The following NDUFS4 variants were observed in gnomAD, a reference collection of about 807,000 sequenced individuals.
NDUFS4 encodes NADH:ubiquinone oxidoreductase subunit S4.
In NDUFS4, 28 loss-of-function variants were observed where a neutral mutation model predicts 24.3. The ratio of observed to expected loss-of-function variants is 1.15; its 90% CI spans 0.85 to 1.58. NDUFS4 has a LOEUF of 1.58. Ranked by LOEUF, NDUFS4 falls within the 40% of genes most tolerant of loss-of-function variation. The pLI is 0.00. For synonymous variants in NDUFS4, 93 were observed against 69.7 expected (o/e 1.34, Z -1.67); for missense variants, 223 against 207.9 (o/e 1.07, Z -0.45).
At chr5:53,628,408 G>A (rs1751295461) in intron 2 of NDUFS4, among the ~76,000 whole-genome samples, 1 of 152,156 alleles carries the variant, frequency 6.6e-6, no homozygotes, top group Non-Finnish European at 1.5e-5. Context: ...AGTGAGTTAA[G>A]GAGGAGTCCC....
intron 2 of NDUFS4, among the ~76,000 whole-genome samples, chr5:53,632,756 A>G (rs1377998502): frequency 6.6e-6 from 1 of 152,206 alleles, no homozygotes; most frequent in Non-Finnish European, 1.5e-5. Context: ...AATACCTGAA[A>G]ACAGTTGCTT....
intron 2 of NDUFS4, among the ~76,000 whole-genome samples, chr5:53,614,535 C>G (rs1750789199): frequency 6.6e-6 from 1 of 151,928 alleles, no homozygotes; most frequent in African/African-American, 2.4e-5. Flanking sequence ...AATACTTGAA[C>G]AATACTGGAG....
intron 1 of NDUFS4, among the ~76,000 whole-genome samples, chr5:53,571,180 A>ACTCTGTACCCATTAGCAGTCGCTTCTCC (rs1749199046): frequency 6.6e-6 from 1 of 151,900 alleles, no homozygotes; most frequent in African/African-American, 2.4e-5. Context: ...CATCACTCAA[A>ACTCTGTACCCATTAGCAGTCGCTTCTCC]CTCTGTACCC....
At chr5:53,590,664 A>G (rs1749920893) in intron 1 of NDUFS4, among the ~76,000 whole-genome samples, 1 of 152,212 alleles carries the variant, frequency 6.6e-6, no homozygotes, top group South Asian at 2.1e-4. Context: ...CTAGGCAGTT[A>G]TAAATCTTCT....
At position 53,597,961 on chromosome 5, in the gene NDUFS4, A is replaced by T. The variant is rs116585999; in HGVS notation, c.99-5491A>T. Among the ~76,000 whole-genome samples, 813 of 152,350 alleles carry T rather than the reference A, an allele frequency of 5.3e-3. 6 individuals carry two copies. The highest frequency in any genetic ancestry group is 0.018 in the African/African-American group (745 of 41,578). On this transcript the variant is annotated intron_variant, in intron 1 of 4. Transcript: ENST00000296684. ...GGCAAAAGATCTAAGCAGATAACTC[A>T]CCAAAGAAGATATACAGATGACTAA... is the stretch of plus-strand genomic sequence containing the variant.
chr5:53,622,421 G>C (rs762982487), intron 2 of NDUFS4, among the ~76,000 whole-genome samples: 1 of 152,048 alleles, frequency 6.6e-6, no homozygotes, highest in Non-Finnish European at 1.5e-5. Context: ...GCTTGTGGAA[G>C]GCCACCTCCT....
At chr5:53,630,497 C>A (rs575028336) in intron 2 of NDUFS4, among the ~76,000 whole-genome samples, 9 of 152,284 alleles carry the variant, frequency 5.9e-5, no homozygotes, top group African/African-American at 1.9e-4. Context: ...TCCATTCTCC[C>A]TATCACTTTC....
chr5:53,628,717 G>T (rs992004291), intron 2 of NDUFS4, among the ~76,000 whole-genome samples: 1 of 152,080 alleles, frequency 6.6e-6, no homozygotes, highest in Admixed American at 6.5e-5. Context: ...TTTGATCAGT[G>T]GTGATATCCA....
At chr5:53,626,074 C>A (rs977913091) in intron 2 of NDUFS4, among the ~76,000 whole-genome samples, 1 of 151,958 alleles carries the variant, frequency 6.6e-6, no homozygotes, top group South Asian at 2.1e-4. Flanking sequence ...TTGTGATGTT[C>A]CCCGCCCTGT....
chr5:53,560,735 C>G lies in NDUFS4; in HGVS notation c.73C>G (p.Leu25Val). 1 of 1,614,238 alleles carries G rather than the reference C, an allele frequency of 6.2e-7. No individual in the cohort carries two copies. The highest frequency in any genetic ancestry group is 8.5e-7 in the Non-Finnish European group (1 of 1,180,048). ...WRRRAVAVAALSVSRVPTRSL... is the reference protein window; with the variant it reads ...WRRRAVAVAAVSVSRVPTRSL... The stretch of plus-strand genomic sequence containing the variant: ...GAGAAGGGCAGTGGCTGTAGCTGCC[C>G]TTTCCGTTTCCAGGGTTCCGACCAG... Residue 25 changes from leucine to valine, a missense_variant, in exon 1 of 5, where the codon CTT becomes GTT. By Grantham distance (32) the Leu-to-Val change is conservative. Coordinates refer to ENST00000296684, the MANE Select transcript of NDUFS4 (RefSeq NM_002495.4).
At chr5:53,651,774 CTTTTT>C (rs34235265) in intron 3 of NDUFS4, among the ~76,000 whole-genome samples, 1 of 118,082 alleles carries the variant, frequency 8.5e-6, no homozygotes, top group Non-Finnish European at 1.7e-5. Context: ...TAACTTTATT[CTTTTT>C]TTTTTTTTTT....
At chr5:53,623,827 T>C (rs1751132380) in intron 2 of NDUFS4, among the ~76,000 whole-genome samples, 1 of 152,182 alleles carries the variant, frequency 6.6e-6, no homozygotes, top group Admixed American at 6.5e-5. Context: ...CAAGCGATTC[T>C]TCTGCCTCAG....
intron 3 of NDUFS4, among the ~76,000 whole-genome samples, chr5:53,647,462 C>T (rs2112508996): frequency 6.6e-6 from 1 of 152,214 alleles, no homozygotes; most frequent in Middle Eastern, 3.4e-3. Context: ...AAGCGATCCA[C>T]CCACCTCAGC....
intron 2 of NDUFS4, among the ~76,000 whole-genome samples, chr5:53,606,425 C>T (rs184767161): frequency 6.6e-5 from 10 of 151,946 alleles, no homozygotes; most frequent in East Asian, 5.9e-4. Context: ...TGGAGTGCAG[C>T]GGCGCGATCT....
intron 3 of NDUFS4, among the ~76,000 whole-genome samples, 174 bp downstream of exon 3, chr5:53,646,579 AAG>A (rs1024605104): frequency 2.7e-4 from 14 of 52,272 alleles, no homozygotes; most frequent in Non-Finnish European, 6.1e-4. Flanking sequence ...ATATTCAGAT[AAG>A]TGTGGCTTAG....
intron 4 of NDUFS4, among the ~76,000 whole-genome samples, chr5:53,680,614 A>G (rs983470885): frequency 6.6e-6 from 1 of 151,086 alleles, no homozygotes; most frequent in East Asian, 2.0e-4. Flanking sequence ...CAAACACCAC[A>G]TGTTCTCACT....
chr5:53,574,578 CAT>C (rs879304439), intron 1 of NDUFS4, among the ~76,000 whole-genome samples: 3 of 152,134 alleles, frequency 2.0e-5, no homozygotes, highest in Admixed American at 1.3e-4. Flanking sequence ...ATGCTGGACT[CAT>C]AAAATGAGCT....
chr5:53,666,187 A>C (rs1007298932), intron 4 of NDUFS4, among the ~76,000 whole-genome samples: 1 of 152,152 alleles, frequency 6.6e-6, no homozygotes, highest in Non-Finnish European at 1.5e-5. Flanking sequence ...TTATCTTTTC[A>C]GCCTATTATA....
At position 53,619,304 on chromosome 5, in the gene NDUFS4, T is replaced by A. The variant is rs13169273; in HGVS notation, c.177+15774T>A. 2.0e-4 allele frequency among the ~76,000 whole-genome samples: 9 copies of A among 46,038 alleles called. No individual in the cohort carries two copies. The East Asian group carries it at 4.5e-3, about 23-fold the overall frequency. 30.2% of individuals were successfully genotyped at this position (46,038 alleles called of 152,430 possible). ...AGTGAAACCCCTTTTCTGCTAAAAA[T>A]TTAAAAAAAAAAAAAAAAAATTAGC... On this transcript the variant is annotated intron_variant, in intron 2 of 4. Coordinates refer to ENST00000296684, the MANE Select transcript of NDUFS4 (RefSeq NM_002495.4).
Sources: gnomAD v4.1 joint callset for allele counts (sites outside exome capture counted in the v4.1 genomes callset) on GRCh38, gnomAD v4.1.1 for gene constraint, MANE v1.5 for transcripts, NCBI Gene and HGNC (gene_info 2026-07-23, HGNC 2026-07-21) for gene names.